The following MYO5A variants were observed in gnomAD, a reference collection of about 807,000 sequenced individuals.
MYO5A encodes unconventional myosin-Va.
A neutral mutation model predicts 249.7 loss-of-function variants in MYO5A; 98 were observed. The ratio of observed to expected loss-of-function variants is 0.39; its 90% CI spans 0.33 to 0.46. The LOEUF (loss-of-function observed/expected upper bound fraction) is 0.46, where lower values mean the gene tolerates loss of function less well. MYO5A is among the 20% of genes least tolerant of loss of function. MYO5A has a pLI of 0.98. For synonymous variants in MYO5A, 778 were observed against 810.6 expected, an observed-to-expected ratio of 0.96 and a Z score of 0.68; for missense variants, 1,696 against 2,308.8, an observed-to-expected ratio of 0.73 and a Z score of 5.44.
chr15:52,481,582 A>G (rs571290910), intron 1 of MYO5A, among the ~76,000 whole-genome samples: 9 of 152,202 alleles, frequency 5.9e-5, no homozygotes, highest in Non-Finnish European at 1.3e-4. Flanking sequence ...AACTTGTGCA[A>G]AGAAAAATAG....
At chr15:52,357,169 G>A (rs746678953) in intron 25 of MYO5A, among the ~76,000 whole-genome samples, 4 of 151,756 alleles carry the variant, frequency 2.6e-5, no homozygotes, top group Non-Finnish European at 4.4e-5. Flanking sequence ...AAAATTAAGC[G>A]TAAAATACTT....
At chr15:52,359,855 TCAAA>T in intron 25 of MYO5A, 109 bp downstream of exon 25, 1 of 773,236 alleles carries the variant, frequency 1.3e-6, no homozygotes, top group Non-Finnish European at 2.2e-6. Flanking sequence ...AATAAATGAT[TCAAA>T]CAAATACTAT....
intron 1 of MYO5A, among the ~76,000 whole-genome samples, chr15:52,492,636 C>T (rs1055705139): frequency 6.6e-6 from 1 of 152,206 alleles, no homozygotes; most frequent in Admixed American, 6.5e-5. Flanking sequence ...AGATGCTCGC[C>T]AAGGGCCAAC....
chr15:52,364,345 T>C (rs754454418), intron 24 of MYO5A, among the ~76,000 whole-genome samples: 1 of 152,154 alleles, frequency 6.6e-6, no homozygotes, highest in Non-Finnish European at 1.5e-5. Context: ...GTGAATAAAA[T>C]TATATGATTT....
chr15:52,364,506 T>A (rs780609732), intron 24 of MYO5A, 48 bp downstream of exon 24: 1 of 1,546,808 alleles, frequency 6.5e-7, no homozygotes, highest in African/African-American at 1.4e-5. Context: ...TACTTTTGTA[T>A]ATGTTTAAAA....
At chr15:52,487,249 C>T (rs2076841126) in intron 1 of MYO5A, among the ~76,000 whole-genome samples, 1 of 151,694 alleles carries the variant, frequency 6.6e-6, no homozygotes, top group Admixed American at 6.6e-5. Context: ...AACCTTGTTT[C>T]TACAAAAAAT....
At chr15:52,476,194 CAG>C (rs2076588131) in intron 1 of MYO5A, among the ~76,000 whole-genome samples, 2 of 152,130 alleles carry the variant, frequency 1.3e-5, no homozygotes, top group African/African-American at 2.4e-5. Context: ...TCTGTCTTAT[CAG>C]AGACTAGGAT....
At chr15:52,460,048 G>A (rs1567146874) in intron 1 of MYO5A, among the ~76,000 whole-genome samples, 2 of 151,734 alleles carry the variant, frequency 1.3e-5, no homozygotes, top group South Asian at 2.1e-4. Flanking sequence ...TATCTCAGAC[G>A]GGGCGGCGGG....
chr15:52,447,405 C>A (rs2075915707), intron 1 of MYO5A, among the ~76,000 whole-genome samples: 1 of 152,182 alleles, frequency 6.6e-6, no homozygotes, highest in South Asian at 2.1e-4. Flanking sequence ...TCCTGCAGAA[C>A]CATGAGCCAA....
intron 24 of MYO5A, among the ~76,000 whole-genome samples, chr15:52,364,035 G>A (rs2040680220): frequency 6.6e-6 from 1 of 152,070 alleles, no homozygotes; most frequent in Non-Finnish European, 1.5e-5. Context: ...TCAAGAGATC[G>A]AGACCATCCT....
At chr15:52,352,398 T>G (rs2039999183) in intron 27 of MYO5A, among the ~76,000 whole-genome samples, 1 of 152,204 alleles carries the variant, frequency 6.6e-6, no homozygotes, top group African/African-American at 2.4e-5. Context: ...CTGAAACACT[T>G]GTGTATAAAC....
intron 1 of MYO5A, among the ~76,000 whole-genome samples, chr15:52,511,657 T>A (rs2077391989): frequency 1.3e-5 from 2 of 152,194 alleles, no homozygotes; most frequent in Admixed American, 1.3e-4. Context: ...TGGGAAGGGA[T>A]CTTTTACCCT....
chr15:52,523,859 T>A (rs1207363608), intron 1 of MYO5A, among the ~76,000 whole-genome samples: 2 of 152,208 alleles, frequency 1.3e-5, no homozygotes, highest in African/African-American at 4.8e-5. Context: ...TCAGGGCACA[T>A]GATCAGAGAT....
At chr15:52,492,404 C>G (rs1329644271) in intron 1 of MYO5A, among the ~76,000 whole-genome samples, 3 of 152,204 alleles carry the variant, frequency 2.0e-5, no homozygotes, top group Non-Finnish European at 4.4e-5. Context: ...CGGCTAGTTA[C>G]AATAATGCTG....
intron 8 of MYO5A, among the ~76,000 whole-genome samples, chr15:52,406,743 T>G (rs1216409676): frequency 3.3e-5 from 5 of 152,148 alleles, no homozygotes; most frequent in Non-Finnish European, 7.3e-5. Flanking sequence ...TAGTGACATC[T>G]GAGCTGCTTC....
At chr15:52,480,421 G>C (rs1330699846) in intron 1 of MYO5A, among the ~76,000 whole-genome samples, 1 of 152,158 alleles carries the variant, frequency 6.6e-6, no homozygotes, top group Non-Finnish European at 1.5e-5. Context: ...TCAGAAGAGG[G>C]CTTAAAGATG....
intron 6 of MYO5A, 97 bp from the exon 7 acceptor site, chr15:52,408,237 G>A (rs1398989961): frequency 1.7e-5 from 12 of 720,688 alleles, no homozygotes; most frequent in Non-Finnish European, 2.9e-5. Context: ...TATCTCAGTT[G>A]GTTAAATAAA....
intron 16 of MYO5A, among the ~76,000 whole-genome samples, chr15:52,381,960 T>TG (rs1030435456): frequency 1.3e-5 from 2 of 152,184 alleles, no homozygotes; most frequent in African/African-American, 4.8e-5. Flanking sequence ...TAGAGTGCAG[T>TG]GGAGTGATCT....
In MYO5A at chr15:52,339,412, T is replaced by C. The variant is rs1363973541; in HGVS notation, c.4239+784A>G. Among the ~76,000 whole-genome samples, 6 of 152,074 alleles carry C rather than the reference T, an allele frequency of 3.9e-5. No homozygotes were observed. In the East Asian group the frequency reaches 9.6e-4, roughly 24 times the overall value. The stretch of plus-strand genomic sequence containing the variant: ...GACTTTATATAGAAATATGAAATTA[T>C]CACTTTTTAAGGATTTTTAATATAG... On this transcript the variant is annotated intron_variant, in intron 32 of 41. Transcript: ENST00000399233.
Sources: gnomAD v4.1 joint callset for allele counts (sites outside exome capture counted in the v4.1 genomes callset) on GRCh38, gnomAD v4.1.1 for gene constraint, MANE v1.5 for transcripts, NCBI Gene and HGNC (gene_info 2026-07-23, HGNC 2026-07-21) for gene names.